BEND3: variants seen among roughly 807,000 people sequenced by gnomAD.
BEND3 encodes BEN domain containing 3.
A neutral mutation model predicts 60.1 loss-of-function variants in BEND3; 13 were observed. The observed-to-expected ratio is 0.22, with a 90% CI of 0.14 to 0.34. The LOEUF (loss-of-function observed/expected upper bound fraction) is 0.34, where lower values mean the gene tolerates loss of function less well. Ranked by LOEUF, BEND3 falls within the 10% of genes least tolerant of loss-of-function variation. The pLI, the probability that BEND3 is intolerant of heterozygous loss-of-function variation, is 1.00. For synonymous variants in BEND3, 497 were observed against 491.5 expected (o/e 1.01, Z -0.15); for missense variants, 896 against 1,138.1 (o/e 0.79, Z 3.06).
At chr6:107,113,880 C>G (rs1562321068) in intron 1 of BEND3, 1 of 152,234 alleles carries the variant, frequency 6.6e-6, no homozygotes, top group African/African-American at 2.4e-5. Context: ...AGTTCCTTAC[C>G]TCAGTTTCCT....
At position 107,070,153 on chromosome 6, in the gene BEND3, C is replaced by T. The variant is rs1285901504; in HGVS notation, c.1038G>A (p.Glu346=). The part of the protein sequence containing the change: ...FSRFWAQREM[E]DSQPSGQVAS... The stretch of plus-strand genomic sequence containing the variant: ...CGACCTGGCCGCTGGGCTGGCTGTC[C>T]TCCATTTCCCGCTGGGCCCAGAAGC... Residue 346 remains glutamate (E), a synonymous_variant, in exon 4 of 4, where the codon GAG becomes GAA. Transcript: ENST00000369042. The surrounding 1 kb of genome is among the most constrained non-coding windows in gnomAD (Gnocchi z 6.9). The T allele has an allele frequency of 6.2e-7, 1 of 1,612,938 alleles. No individual in the cohort carries two copies. The highest frequency in any genetic ancestry group is 8.5e-7 in the Non-Finnish European group (1 of 1,179,972).
chr6:107,073,533 G>A (rs147516103), intron 3 of BEND3, among the ~76,000 whole-genome samples: 23 of 152,074 alleles, frequency 1.5e-4, no homozygotes, highest in African/African-American at 5.5e-4. Context: ...GTACAGAAGA[G>A]GTCAATGAAT....
intron 3 of BEND3, among the ~76,000 whole-genome samples, chr6:107,095,533 C>G (rs1372699162): frequency 6.6e-6 from 1 of 152,164 alleles, no homozygotes; most frequent in Non-Finnish European, 1.5e-5. Context: ...CATAATCACA[C>G]TCCTCGGTGT....
chr6:107,088,349 T>C (rs1218260433), intron 3 of BEND3, among the ~76,000 whole-genome samples: 1 of 152,074 alleles, frequency 6.6e-6, no homozygotes, highest in Non-Finnish European at 1.5e-5. Context: ...CAAAAGGTGT[T>C]ACAAAGGGTG....
At chr6:107,108,666 C>A (rs960924002) in intron 1 of BEND3, among the ~76,000 whole-genome samples, 1 of 152,100 alleles carries the variant, frequency 6.6e-6, no homozygotes, top group Non-Finnish European at 1.5e-5. Flanking sequence ...CCCTGACATA[C>A]AAGAAAAGGC....
At chr6:107,075,574 T>C (rs1438685342) in intron 3 of BEND3, among the ~76,000 whole-genome samples, 2 of 152,222 alleles carry the variant, frequency 1.3e-5, no homozygotes, top group African/African-American at 4.8e-5. Context: ...ATAAGATTAC[T>C]ATAAGGTTTA....
intron 3 of BEND3, among the ~76,000 whole-genome samples, chr6:107,088,913 C>A (rs376941547): frequency 6.6e-6 from 1 of 152,158 alleles, no homozygotes; most frequent in East Asian, 1.9e-4. Context: ...TTACCACTTA[C>A]CACAGGTGGA....
chr6:107,112,856 G>GA (rs1201523509), intron 1 of BEND3, among the ~76,000 whole-genome samples: 3,157 of 80,038 alleles, frequency 0.039, 84 homozygotes, highest in East Asian at 0.25. Flanking sequence ...TCTGTCTCAA[G>GA]AAAAAAAAAA....
At position 107,070,066 on chromosome 6, in the gene BEND3, C is replaced by A. The variant is rs782367680; in HGVS notation, c.1125G>T (p.Glu375Asp). 4 of 1,613,748 alleles carry A rather than the reference C, an allele frequency of 2.5e-6. No homozygotes were observed. Among genetic ancestry groups the A allele is most frequent in the Non-Finnish European group, 3.4e-6 (4 of 1,180,044 alleles). ...TGCTCCGGTCAAGAGACAGGGCCTC[C>A]TCCTGGTCTTTGTTGTCCAGGAAGT... The part of the protein sequence containing the change: ...PGHFLDNKDQ[E>D]EALSLDRSST... Residue 375 changes from glutamate (E) to aspartate (D), a missense_variant, in exon 4 of 4, where the codon GAG becomes GAT. This residue lies in a region of BEND3 where 846 missense variants were observed against 1,036.7 expected (regional missense o/e 0.82). Transcript: ENST00000369042. This position sits in a 1 kb window ranked among gnomAD's most constrained non-coding sequence, Gnocchi z 6.9.
chr6:107,103,908 AT>A (rs1775754199), intron 1 of BEND3, among the ~76,000 whole-genome samples: 1 of 150,638 alleles, frequency 6.6e-6, no homozygotes, highest in South Asian at 2.1e-4. Flanking sequence ...AGATCGCGCC[AT>A]TCAACGCCAG....
intron 3 of BEND3, among the ~76,000 whole-genome samples, chr6:107,082,527 T>C (rs1186288463): frequency 1.3e-5 from 2 of 152,138 alleles, no homozygotes; most frequent in African/African-American, 2.4e-5. Context: ...TTCTACCTCC[T>C]GGGTTCAAGC....
chr6:107,114,968 T>C (rs1770233211), intron 1 of BEND3, 122 bp downstream of exon 1: 2 of 141,652 alleles, frequency 1.4e-5, no homozygotes, highest in South Asian at 4.5e-4. Context: ...CCCCTCCGCG[T>C]CCCCTCCCCT....
rs535383348 is a variant in BEND3, at chr6:107,105,851, C to A, written c.-11-6555G>T. 2.2e-4 allele frequency among the ~76,000 whole-genome samples: 34 copies of A among 152,326 alleles called. No individual in the cohort carries two copies. In the South Asian group the frequency reaches 7.0e-3, roughly 32 times the overall value. ...GCCACTCAGGGGCAAATCCCCCTTA[C>A]CCCTAAGAGCTGTTTCCAGATGCAA... On this transcript the variant is annotated intron_variant, in intron 1 of 3. Coordinates refer to ENST00000369042, the MANE Select transcript of BEND3 (RefSeq NM_001367314.1).
chr6:107,087,795 T>A (rs1323404503), intron 3 of BEND3, among the ~76,000 whole-genome samples: 4 of 139,090 alleles, frequency 2.9e-5, no homozygotes, highest in African/African-American at 1.1e-4. Context: ...GAAAATACTT[T>A]TTTTTTTTTT....
intron 3 of BEND3, among the ~76,000 whole-genome samples, chr6:107,077,765 A>G (rs1168363670): frequency 6.6e-6 from 1 of 152,146 alleles, no homozygotes; most frequent in Non-Finnish European, 1.5e-5. Flanking sequence ...GCCTCATTAA[A>G]ATGGGAATGT....
intron 1 of BEND3, among the ~76,000 whole-genome samples, chr6:107,104,289 C>CAAAA (rs34091506): frequency 9.8e-6 from 1 of 101,662 alleles, no homozygotes; most frequent in African/African-American, 3.9e-5. Context: ...GACTCCGTCT[C>CAAAA]AAAAAAAAAA....
At chr6:107,075,047 G>A (rs1348661474) in intron 3 of BEND3, among the ~76,000 whole-genome samples, 4 of 151,756 alleles carry the variant, frequency 2.6e-5, no homozygotes, top group Non-Finnish European at 5.9e-5. Context: ...GTGGCAGTGA[G>A]TGCCACTGCA....
In BEND3 at chr6:107,069,836, C is replaced by T. The variant is rs781837960; in HGVS notation, c.1355G>A (p.Arg452His). ...ELDPQRLQII[R>H]NYTEIYFPDM... ...AGGGAAGTAGATCTCCGTGTAGTTGCGGATGATCTGCAGCCGCTGCGGGTC... is the reference window on the plus strand; with the variant it reads ...AGGGAAGTAGATCTCCGTGTAGTTGTGGATGATCTGCAGCCGCTGCGGGTC... Residue 452 changes from arginine (R) to histidine (H), a missense_variant, in exon 4 of 4, where the codon CGC becomes CAC. Arg to His is a conservative substitution (Grantham distance 29). This residue lies in a region of BEND3 where 846 missense variants were observed against 1,036.7 expected (regional missense o/e 0.82). Transcript: ENST00000369042. 2.2e-5 allele frequency: 35 copies of T among 1,613,410 alleles called. No homozygotes were observed. Among genetic ancestry groups the T allele is most frequent in the African/African-American group, 8.0e-5 (6 of 74,936 alleles).
intron 2 of BEND3, 48 bp from the exon 3 acceptor site, chr6:107,098,801 C>T: frequency 6.6e-7 from 1 of 1,525,144 alleles, no homozygotes; most frequent in Non-Finnish European, 9.1e-7. Flanking sequence ...CAGGGCTGCT[C>T]AGAGATCAGC....
Sources: allele counts gnomAD v4.1 joint callset (sites outside exome capture counted in the v4.1 genomes callset), GRCh38; gene constraint gnomAD v4.1.1; regional missense constraint gnomAD v4.1.1; non-coding constraint Gnocchi (gnomAD v3.1); transcripts MANE v1.5; gene names NCBI Gene and HGNC (gene_info 2026-07-23, HGNC 2026-07-21).